The following ASTN2 variants were observed in gnomAD, a reference collection of about 807,000 sequenced individuals.
ASTN2 encodes astrotactin-2.
ASTN2 carries 54 observed loss-of-function variants against 139.8 expected under a neutral mutation model. The ratio of observed to expected loss-of-function variants is 0.39; its 90% CI spans 0.31 to 0.48. ASTN2 has a LOEUF of 0.48. Among genes scored for constraint, ASTN2 ranks in the 20% least tolerant of loss-of-function variants. The pLI is 0.95. For synonymous variants in ASTN2, 756 were observed against 719.5 expected, an observed-to-expected ratio of 1.05 and a Z score of -0.81; for missense variants, 1,565 against 1,725.1, an observed-to-expected ratio of 0.91 and a Z score of 1.64.
At chr9:116,709,489 T>A (rs952850484) in intron 16 of ASTN2, among the ~76,000 whole-genome samples, 1 of 152,230 alleles carries the variant, frequency 6.6e-6, no homozygotes, top group Non-Finnish European at 1.5e-5. Context: ...CCAAACTTTA[T>A]GCGGTCCTTT....
intron 17 of ASTN2, among the ~76,000 whole-genome samples, chr9:116,628,615 G>A (rs535114412): frequency 1.3e-5 from 2 of 152,254 alleles, no homozygotes; most frequent in Admixed American, 6.5e-5. Context: ...GACTTACAGG[G>A]CAGTGAAAAT....
At chr9:117,036,564 C>T (rs1016065003) in intron 6 of ASTN2, among the ~76,000 whole-genome samples, 1 of 152,086 alleles carries the variant, frequency 6.6e-6, no homozygotes, top group African/African-American at 2.4e-5. Context: ...CTCTATATGG[C>T]TTATACACAT....
intron 1 of ASTN2, among the ~76,000 whole-genome samples, chr9:117,295,241 G>A (rs935533604): frequency 1.3e-5 from 2 of 152,118 alleles, no homozygotes; most frequent in East Asian, 1.9e-4. Flanking sequence ...AGAATCGCTT[G>A]AACTCGGAAA....
intron 1 of ASTN2, 66 bp from the exon 2 acceptor site, chr9:117,291,579 A>C: frequency 6.9e-7 from 1 of 1,457,328 alleles, no homozygotes; most frequent in Non-Finnish European, 9.2e-7. Flanking sequence ...AGGGAGGAAA[A>C]GAGCCCACAT....
At chr9:116,464,310 T>G (rs1242708244) in intron 20 of ASTN2, among the ~76,000 whole-genome samples, 2 of 152,186 alleles carry the variant, frequency 1.3e-5, no homozygotes, top group Admixed American at 6.5e-5. Flanking sequence ...CACAGAGTTA[T>G]GCACTTGGTT....
intron 10 of ASTN2, among the ~76,000 whole-genome samples, chr9:116,914,523 T>G (rs1341711060): frequency 2.6e-5 from 4 of 151,252 alleles, no homozygotes. Context: ...GAGGTCCTAC[T>G]CTGTGCCAGA....
At chr9:116,468,223 T>C (rs1444308898) in intron 20 of ASTN2, among the ~76,000 whole-genome samples, 1 of 151,856 alleles carries the variant, frequency 6.6e-6, no homozygotes, top group South Asian at 2.2e-4. Flanking sequence ...TCCCAAAGGC[T>C]TTCTTTCCTT....
In ASTN2 at chr9:116,610,332, C is replaced by T. The variant is rs145338489; in HGVS notation, c.3355+7992G>A. ...ATAAAAGTAAAGTGATGGCTGCGGA[C>T]GGTGGCTCACACCTATAATCCCAGC... On this transcript the variant is annotated intron_variant, in intron 19 of 22. Coordinates refer to ENST00000313400, the MANE Select transcript of ASTN2 (RefSeq NM_001365068.1). Among the ~76,000 whole-genome samples, 754 of 152,274 alleles carry T rather than the reference C, an allele frequency of 5.0e-3. 7 individuals are homozygous for T. The highest frequency in any genetic ancestry group is 0.017 in the African/African-American group (725 of 41,556).
chr9:116,593,592 C>T (rs770320067), intron 19 of ASTN2, among the ~76,000 whole-genome samples: 4 of 152,216 alleles, frequency 2.6e-5, no homozygotes, highest in African/African-American at 9.7e-5. Context: ...CTGCATCTAG[C>T]CATTCTTAAC....
chr9:117,065,557 C>G (rs1827910704), intron 5 of ASTN2, among the ~76,000 whole-genome samples: 1 of 152,106 alleles, frequency 6.6e-6, no homozygotes, highest in Non-Finnish European at 1.5e-5. Flanking sequence ...TCTCCCCTAC[C>G]AGAATTTAGA....
chr9:117,347,498 C>A (rs1829256556), intron 1 of ASTN2, among the ~76,000 whole-genome samples: 1 of 151,964 alleles, frequency 6.6e-6, no homozygotes, highest in Non-Finnish European at 1.5e-5. Context: ...TCATTAACCT[C>A]ATTTTATAAT....
chr9:117,085,023 C>A (rs1301845451), intron 5 of ASTN2, among the ~76,000 whole-genome samples: 1 of 152,204 alleles, frequency 6.6e-6, no homozygotes, highest in African/African-American at 2.4e-5. Flanking sequence ...ACGATTCTCT[C>A]AAGTAGGAAG....
chr9:117,323,470 G>A (rs7022026), intron 1 of ASTN2, among the ~76,000 whole-genome samples: 149,042 of 152,258 alleles, frequency 0.98, 73,038 homozygotes, highest in East Asian at 1. Flanking sequence ...CTTAGCTTCC[G>A]AAAGGTTTAT....
At chr9:116,710,719 G>A (rs1828129345) in intron 16 of ASTN2, among the ~76,000 whole-genome samples, 3 of 110,718 alleles carry the variant, frequency 2.7e-5, no homozygotes, top group Admixed American at 2.4e-4. Flanking sequence ...GGCAACAAGA[G>A]TGAAACTCCG....
chr9:116,956,073 ACT>A (rs1835696481), intron 10 of ASTN2, among the ~76,000 whole-genome samples: 3 of 146,660 alleles, frequency 2.0e-5, no homozygotes, highest in Non-Finnish European at 4.5e-5. Flanking sequence ...ACTAATCAGA[ACT>A]CTTTTTTCTT....
chr9:117,124,678 G>T (rs1009255328), intron 4 of ASTN2, among the ~76,000 whole-genome samples: 8 of 152,058 alleles, frequency 5.3e-5, no homozygotes, highest in Non-Finnish European at 1.0e-4. Context: ...GGAAGAGATG[G>T]GAGAAGTTAT....
chr9:116,791,127 T>C (rs911213491), intron 13 of ASTN2, among the ~76,000 whole-genome samples: 1 of 152,148 alleles, frequency 6.6e-6, no homozygotes, highest in Non-Finnish European at 1.5e-5. Context: ...AGTGCTGGGA[T>C]TACAGGCGTG....
intron 11 of ASTN2, among the ~76,000 whole-genome samples, chr9:116,823,820 A>C (rs960557922): frequency 6.6e-6 from 1 of 152,214 alleles, no homozygotes; most frequent in Non-Finnish European, 1.5e-5. Flanking sequence ...AAGTGGGTTT[A>C]CCAGTTACCA....
intron 5 of ASTN2, among the ~76,000 whole-genome samples, chr9:117,087,077 G>C (rs976538779): frequency 4.6e-5 from 7 of 152,156 alleles, no homozygotes; most frequent in African/African-American, 1.7e-4. Flanking sequence ...CATGAGCAAG[G>C]CTACCTAAAT....
Sources: allele counts gnomAD v4.1 joint callset (sites outside exome capture counted in the v4.1 genomes callset), GRCh38; gene constraint gnomAD v4.1.1; transcripts MANE v1.5; gene names NCBI Gene and HGNC (gene_info 2026-07-23, HGNC 2026-07-21).